The following DMXL1 variants were observed in gnomAD, a reference collection of about 807,000 sequenced individuals.
DMXL1 encodes the protein Dmx like 1.
DMXL1 carries 99 observed loss-of-function variants against 319.2 expected under a neutral mutation model. The observed-to-expected ratio is 0.31, with a 90% confidence interval of 0.26 to 0.37. The LOEUF is 0.37. Among genes scored for constraint, DMXL1 ranks in the 10% least tolerant of loss-of-function variants. The probability of loss-of-function intolerance (pLI) is 1.00; values close to 1 mark genes in which losing one functional copy is unlikely to be tolerated. For missense variants in DMXL1, 3,745 were observed against 3,595.6 expected, an observed-to-expected ratio of 1.04 and a Z score of -1.06; for synonymous variants, 1,385 against 1,235.2, an observed-to-expected ratio of 1.12 and a Z score of -2.54.
chr5:119,105,895 CAAAAAAA>C (rs560106066), intron 4 of DMXL1, among the ~76,000 whole-genome samples: 2 of 76,774 alleles, frequency 2.6e-5, no homozygotes, highest in African/African-American at 9.2e-5. Flanking sequence ...GAAACTGTCT[CAAAAAAA>C]AAAAAAAAAG....
chr5:119,225,927 A>G (rs573866583), intron 38 of DMXL1, among the ~76,000 whole-genome samples: 3 of 152,270 alleles, frequency 2.0e-5, no homozygotes, highest in Admixed American at 2.0e-4. Flanking sequence ...TTTAAATAAT[A>G]TTATTCTACA....
chr5:119,190,511 G>A (rs1778521599), intron 29 of DMXL1, among the ~76,000 whole-genome samples: 1 of 152,180 alleles, frequency 6.6e-6, no homozygotes, highest in Non-Finnish European at 1.5e-5. Flanking sequence ...AAAGCATGCA[G>A]TTGTTTTGCT....
chr5:119,153,732 G>T (rs567465535), intron 19 of DMXL1, among the ~76,000 whole-genome samples: 107 of 152,314 alleles, frequency 7.0e-4, no homozygotes, highest in African/African-American at 2.4e-3. Context: ...CCATGTTGTT[G>T]CAAATGACAA....
At chr5:119,190,224 T>C (rs868219782) in intron 29 of DMXL1, among the ~76,000 whole-genome samples, 61 of 152,354 alleles carry the variant, frequency 4.0e-4, no homozygotes, top group Middle Eastern at 6.8e-3. Flanking sequence ...TCTGGTCATC[T>C]ATTATCCATA....
intron 2 of DMXL1, among the ~76,000 whole-genome samples, chr5:119,101,060 C>T (rs911509789): frequency 2.6e-5 from 4 of 152,042 alleles, no homozygotes; most frequent in Admixed American, 1.3e-4. Flanking sequence ...GGATTACAGG[C>T]GTGAGCCACC....
At chr5:119,245,571 T>C (rs1410343420) in intron 43 of DMXL1, among the ~76,000 whole-genome samples, 1 of 151,036 alleles carries the variant, frequency 6.6e-6, no homozygotes, top group African/African-American at 2.4e-5. Flanking sequence ...GACGGAGTCT[T>C]ACTCTGTCGC....
Position 119,149,536 on chromosome 5 carries a change from G to C in DMXL1, c.3709G>C (p.Val1237Leu). ...GGTAGGAATGGACTGTGAAATGCAT[G>C]TGTATTGCCAATGGCAACCATCTTC... ...LVVGMDCEMH[V>L]YCQWQPSSKQ... Residue 1237 changes from valine to leucine, a missense_variant, in exon 18 of 44, where the codon GTG (valine) becomes CTG (leucine). Val to Leu is a conservative substitution (Grantham distance 32). Transcript: ENST00000539542. The C allele has an allele frequency of 6.2e-7, 1 of 1,613,936 alleles. No homozygotes were observed. The highest frequency in any genetic ancestry group is 2.2e-5 in the East Asian group (1 of 44,874).
At position 119,098,082 on chromosome 5, in the gene DMXL1, A is replaced by G; in HGVS notation, c.191A>G (p.Asp64Gly). 6.2e-7 allele frequency: 1 copy of G among 1,603,054 alleles called. No individual in the cohort carries two copies. The highest frequency in any genetic ancestry group is 2.3e-5 in the East Asian group (1 of 44,322). ...GGAAATATTCAAGTGGGATGTGTAG[A>G]CTGTTCAATGCAACAAGGCAAGGTT... ...KHGNIQVGCVDCSMQQGKIAA... is the reference protein window; with the variant it reads ...KHGNIQVGCVGCSMQQGKIAA... The change falls in exon 2 of 44, where the codon GAC (aspartate) becomes GGC (glycine). Residue 64 changes from aspartate (D) to glycine (G), a missense_variant. Physicochemically the swap from Asp to Gly is moderately conservative, Grantham distance 94. Around this residue, in one of 4 missense-constraint regions of DMXL1, gnomAD observed 2,096 missense variants for 1,985.4 expected, o/e 1.06. Coordinates refer to ENST00000539542, the MANE Select transcript of DMXL1 (RefSeq NM_001290321.3).
rs372186510 is a variant in DMXL1, at chr5:119,170,725, T to A, written c.5934T>A (p.Asp1978Glu). The A allele has an allele frequency of 1.2e-6, 2 of 1,612,896 alleles. No individual in the cohort carries two copies. Among genetic ancestry groups the A allele is most frequent in the Non-Finnish European group, 1.7e-6 (2 of 1,179,740 alleles). Residue 1978 changes from aspartate to glutamate, a missense_variant, in exon 24 of 44, where the codon GAT (aspartate) becomes GAA (glutamate). Around this residue, in one of 4 missense-constraint regions of DMXL1, gnomAD observed 1,382 missense variants for 1,269.5 expected, o/e 1.09. Transcript: ENST00000539542. ...GTGATAATGATGAAGAAAATGAGGA[T>A]GTCCCTATTTCAATGAAAGAACTAA... ...WDSDNDEENE[D>E]VPISMKELKP...
At chr5:119,244,226 T>C in intron 42 of DMXL1, 133 bp from the exon 43 acceptor site, 1 of 688,266 alleles carries the variant, frequency 1.5e-6, no homozygotes, top group Non-Finnish European at 2.4e-6. Context: ...CATTGGTTTT[T>C]ATATTTCATT....
chr5:119,186,769 A>G (rs991130806), intron 28 of DMXL1, among the ~76,000 whole-genome samples: 1 of 152,110 alleles, frequency 6.6e-6, no homozygotes, highest in Admixed American at 6.5e-5. Context: ...AGTTACTTTT[A>G]TAATTCTTAG....
intron 7 of DMXL1, among the ~76,000 whole-genome samples, chr5:119,117,831 C>T (rs571162104): frequency 6.6e-6 from 1 of 152,270 alleles, no homozygotes; most frequent in East Asian, 1.9e-4. Context: ...CTTTTTTAGT[C>T]AGTTAGGTAA....
Position 119,133,522 on chromosome 5 carries a change from C to T in DMXL1, c.1598C>T (p.Ala533Val). 7 of 1,609,614 alleles carry T rather than the reference C, an allele frequency of 4.3e-6. No individual in the cohort carries two copies. The highest frequency in any genetic ancestry group is 5.1e-6 in the Non-Finnish European group (6 of 1,178,454). The part of the protein sequence containing the change: ...QVSFVSRIPV[A>V]FPTGDANSLC... ...TCCTTTGTTTCCAGAATTCCAGTAG[C>T]TTTCCCCACAGGTGATGCAAACTCT... is the stretch of plus-strand genomic sequence containing the variant. Residue 533 changes from alanine (A) to valine (V), a missense_variant, in exon 12 of 44, where the codon GCT (alanine) becomes GTT (valine). By Grantham distance (64) the Ala-to-Val change is moderately conservative. This residue lies in a region of DMXL1 where 2,096 missense variants were observed against 1,985.4 expected (regional missense o/e 1.06). Coordinates refer to ENST00000539542, the MANE Select transcript of DMXL1 (RefSeq NM_001290321.3).
chr5:119,109,081 G>A (rs891771020), intron 4 of DMXL1, among the ~76,000 whole-genome samples: 17 of 152,174 alleles, frequency 1.1e-4, no homozygotes, highest in Non-Finnish European at 1.9e-4. Flanking sequence ...GATTGCAGGT[G>A]TGAGCCACCG....
chr5:119,231,623 A>G (rs1786744087), intron 38 of DMXL1, among the ~76,000 whole-genome samples: 1 of 152,228 alleles, frequency 6.6e-6, no homozygotes, highest in Admixed American at 6.5e-5. Context: ...TACATTAAAA[A>G]TTTAATGAGT....
chr5:119,207,642 C>A lies in DMXL1; in HGVS notation c.7926+746C>A, dbSNP rs555670421. ...CAAGCGATTCTCCTGCCTCAACCTC[C>A]CTAGTAGCTGGGATTATAGGCGCCC... On this transcript the variant is annotated intron_variant, in intron 34 of 43. Transcript: ENST00000539542. 8.5e-5 allele frequency among the ~76,000 whole-genome samples: 13 copies of A among 152,236 alleles called. No homozygotes were observed. In the South Asian group the frequency reaches 2.7e-3, roughly 32 times the overall value.
At chr5:119,161,463 A>G (rs552618099) in intron 19 of DMXL1, among the ~76,000 whole-genome samples, 1 of 152,336 alleles carries the variant, frequency 6.6e-6, no homozygotes, top group African/African-American at 2.4e-5. Context: ...TTCAGAGGCT[A>G]TGTTTTATAG....
At position 119,116,141 on chromosome 5, in the gene DMXL1, G is replaced by GTT. The variant is rs745748660; in HGVS notation, c.565-8_565-7dup. The GTT allele has an allele frequency of 7.9e-5, 109 of 1,371,498 alleles. No homozygotes were observed. The highest frequency in any genetic ancestry group is 3.4e-4 in the South Asian group (24 of 71,400). 85.0% of individuals were successfully genotyped at this position (1,371,498 alleles called of 1,614,324 possible). A position where few individuals can be genotyped will look rare whatever the true frequency, so the allele number is the denominator to read the frequency against. On this transcript the variant is annotated splice_polypyrimidine_tract_variant and intron_variant, in intron 6 of 43. Transcript: ENST00000539542. The stretch of plus-strand genomic sequence containing the variant: ...TCTGATCTCCATGATTTTCTGTTTT[G>GTT]TTTTTTTTTTCCTTAGGATGACTGT...
At chr5:119,238,911 A>T (rs1581496835) in intron 40 of DMXL1, 78 bp from the exon 41 acceptor site, 2 of 1,560,222 alleles carry the variant, frequency 1.3e-6, no homozygotes, top group East Asian at 4.7e-5. Flanking sequence ...CTACATGATC[A>T]CTTTTCGAAG....
Sources: gnomAD v4.1 joint callset for allele counts (sites outside exome capture counted in the v4.1 genomes callset) on GRCh38, gnomAD v4.1.1 for gene constraint, gnomAD v4.1.1 regional missense constraint, MANE v1.5 for transcripts, NCBI Gene and HGNC (gene_info 2026-07-23, HGNC 2026-07-21) for gene names.